AGO3: variants seen among roughly 807,000 people sequenced by gnomAD.
The protein encoded by AGO3 is argonaute RISC catalytic component 3.
Under a neutral mutation model 105.5 loss-of-function variants are expected in AGO3, and 16 were observed. The ratio of observed to expected loss-of-function variants is 0.15; its 90% CI spans 0.10 to 0.23. The LOEUF (loss-of-function observed/expected upper bound fraction) is 0.23. Among genes scored for constraint, AGO3 ranks in the 10% least tolerant of loss-of-function variants. The pLI is 1.00. For missense variants in AGO3, 534 were observed against 1,088.0 expected (o/e 0.49, Z 7.16); for synonymous variants, 340 against 367.3 (o/e 0.93, Z 0.85).
intron 2 of AGO3, among the ~76,000 whole-genome samples, chr1:35,955,534 G>C (rs1033218726): frequency 2.0e-5 from 3 of 151,366 alleles, no homozygotes; most frequent in Admixed American, 2.0e-4. Context: ...TCACACACTT[G>C]AACTACAGAA....
intron 1 of AGO3, among the ~76,000 whole-genome samples, chr1:35,940,543 C>T (rs905638972): frequency 1.3e-5 from 2 of 152,028 alleles, no homozygotes; most frequent in Non-Finnish European, 2.9e-5. Context: ...TCCATCTTTA[C>T]AATTTAATTT....
intron 17 of AGO3, among the ~76,000 whole-genome samples, chr1:36,050,270 G>A (rs557034226): frequency 6.6e-6 from 1 of 152,158 alleles, no homozygotes; most frequent in African/African-American, 2.4e-5. Flanking sequence ...TGGATCACTT[G>A]AGGTCAGGAG....
At chr1:35,967,177 T>G in intron 3 of AGO3, 102 bp downstream of exon 3, 1 of 1,337,570 alleles carries the variant, frequency 7.5e-7, no homozygotes, top group Non-Finnish European at 9.9e-7. Context: ...ATGTGAATAT[T>G]TATCACTGAT....
chr1:35,981,633 C>G (rs532628586), intron 5 of AGO3, among the ~76,000 whole-genome samples: 16 of 152,216 alleles, frequency 1.1e-4, no homozygotes, highest in Admixed American at 3.9e-4. Flanking sequence ...TCTGTAAGTT[C>G]GAAACTACTT....
intron 5 of AGO3, among the ~76,000 whole-genome samples, chr1:35,975,115 G>T (rs182682715): frequency 4.6e-4 from 70 of 152,154 alleles, no homozygotes; most frequent in African/African-American, 1.7e-3. Context: ...ATTCCTGGCG[G>T]TTAGACTGAT....
intron 16 of AGO3, among the ~76,000 whole-genome samples, chr1:36,041,725 A>G (rs183871735): frequency 1.3e-5 from 2 of 152,318 alleles, no homozygotes; most frequent in African/African-American, 2.4e-5. Context: ...TTTCTTTGCC[A>G]TACATACTCA....
In AGO3 at chr1:36,066,979, G is replaced by A. The variant is rs2148874099; in HGVS notation, c.*11234G>A. 1 of 152,328 alleles carries A rather than the reference G, an allele frequency of 6.6e-6. No individual in the cohort carries two copies. The highest frequency in any genetic ancestry group is 1.5e-5 in the Non-Finnish European group (1 of 68,038). The allele number at this position is 152,328 out of a possible 1,614,324, so 9.4% of individuals were successfully genotyped here. A position where few individuals can be genotyped will look rare whatever the true frequency, so the allele number is the denominator to read the frequency against. ...AAATTTATATGATAATGTTGTCCCA[G>A]ACCCAAAGGCACACCTATTCTCAGT... is the stretch of plus-strand genomic sequence containing the variant. On this transcript the variant is annotated 3_prime_UTR_variant, in exon 19 of 19. Transcript: ENST00000373191.
At position 35,967,052 on chromosome 1, in the gene AGO3, C is replaced by G; in HGVS notation, c.289C>G (p.Pro97Ala). 3 of 1,613,518 alleles carry G rather than the reference C, an allele frequency of 1.9e-6. No individual in the cohort carries two copies. Among genetic ancestry groups the G allele is most frequent in the Non-Finnish European group, 2.5e-6 (3 of 1,179,786 alleles). Reference protein sequence around the residue: ...DGKRSLYTANPLPVATTGVDL... With the variant: ...DGKRSLYTANALPVATTGVDL... ...AAAAAGAAGTCTTTACACCGCCAAT[C>G]CACTTCCTGTGGCAACTACAGGGGT... is the stretch of plus-strand genomic sequence containing the variant. The change falls in exon 3 of 19, where the codon CCA becomes GCA. Residue 97 changes from proline (P) to alanine (A), a missense_variant. Coordinates refer to ENST00000373191, the MANE Select transcript of AGO3 (RefSeq NM_024852.4).
chr1:36,035,407 A>G (rs1402168334), intron 13 of AGO3, among the ~76,000 whole-genome samples: 2 of 152,108 alleles, frequency 1.3e-5, no homozygotes, highest in Non-Finnish European at 2.9e-5. Context: ...TCTCAAAAAA[A>G]CAATAATAAC....
chr1:36,071,170 C>T lies in AGO3; in HGVS notation c.*15425C>T, dbSNP rs1019675711. On this transcript the variant is annotated 3_prime_UTR_variant, in exon 19 of 19. Coordinates refer to ENST00000373191, the MANE Select transcript of AGO3 (RefSeq NM_024852.4). ...CACCCCTAAAGCGTAGCTAACTGCT[C>T]CCACTAGATAATTGCTGCTAAAAAC... 1 of 152,022 alleles carries T rather than the reference C, an allele frequency of 6.6e-6. No individual in the cohort carries two copies. Among genetic ancestry groups the T allele is most frequent in the African/African-American group, 2.4e-5 (1 of 41,372 alleles). 9.4% of individuals were successfully genotyped at this position (152,022 alleles called of 1,614,324 possible).
Position 36,001,245 on chromosome 1 carries a change from GAATA to G in AGO3, c.659-3085_659-3082del, listed in dbSNP as rs565512238. Among the ~76,000 whole-genome samples the G allele has an allele frequency of 1.8e-3, 266 of 150,816 alleles. 1 individual carries two copies. The highest frequency in any genetic ancestry group is 6.0e-3 in the African/African-American group (245 of 41,058). ...GGGAGACTCTGTCTCAAAAATAAAT[GAATA>G]AATAAATAAAAATAAAAAATAAGTA... On this transcript the variant is annotated intron_variant, in intron 5 of 18. Transcript: ENST00000373191.
Position 36,025,898 on chromosome 1 carries a change from C to T in AGO3, c.1407-1216C>T, listed in dbSNP as rs370275198. 1.1e-4 allele frequency among the ~76,000 whole-genome samples: 16 copies of T among 152,002 alleles called. No individual in the cohort carries two copies. The East Asian group carries it at 1.5e-3, about 15-fold the overall frequency. Reference sequence around the variant, plus strand: ...ACTAAAAATACAAAAATTAGCCAGGCGCGGTGGCACATGCCTATAATCCCA... The same window carrying T: ...ACTAAAAATACAAAAATTAGCCAGGTGCGGTGGCACATGCCTATAATCCCA... On this transcript the variant is annotated intron_variant, in intron 11 of 18. Coordinates refer to ENST00000373191, the MANE Select transcript of AGO3 (RefSeq NM_024852.4).
chr1:36,052,069 A>T (rs780988801), intron 17 of AGO3, among the ~76,000 whole-genome samples: 13 of 152,328 alleles, frequency 8.5e-5, no homozygotes, highest in Non-Finnish European at 1.3e-4. Flanking sequence ...TACTGAGTAT[A>T]TATGCAAAGG....
chr1:36,051,733 C>T (rs899622534), intron 17 of AGO3, among the ~76,000 whole-genome samples: 1 of 151,972 alleles, frequency 6.6e-6, no homozygotes, highest in Non-Finnish European at 1.5e-5. Context: ...ATCCAAAGAA[C>T]TCAAACAACT....
At chr1:35,985,536 TGTA>T (rs1245628200) in intron 5 of AGO3, among the ~76,000 whole-genome samples, 1 of 152,232 alleles carries the variant, frequency 6.6e-6, no homozygotes, top group South Asian at 2.1e-4. Context: ...AAATATCTGA[TGTA>T]GTGTTTCAGA....
At chr1:35,945,595 T>C in intron 1 of AGO3, 97 bp from the exon 2 acceptor site, 1 of 1,232,560 alleles carries the variant, frequency 8.1e-7, no homozygotes, top group Non-Finnish European at 1.1e-6. Context: ...TTTTAGCCAT[T>C]ATCAGCTGTA....
rs1192450200 is a variant in AGO3 at position 36,036,050 on chromosome 1, A to G, written c.1752-127A>G. 5.1e-6 allele frequency: 4 copies of G among 784,210 alleles called. No homozygotes were observed. The African/African-American group carries it at 7.2e-5, about 14-fold the overall frequency. The allele number at this position is 784,210 out of a possible 1,614,324, so 48.6% of individuals were successfully genotyped here. A position where few individuals can be genotyped will look rare whatever the true frequency, so the allele number is the denominator to read the frequency against. On this transcript the variant is annotated intron_variant, in intron 13 of 18. Transcript: ENST00000373191. ...TCCGTCTCAAAAAAAAAAAAAAAAAAAAATTTGGATTACATAGGACTTCCT... is the reference window on the plus strand; with the variant it reads ...TCCGTCTCAAAAAAAAAAAAAAAAAGAAATTTGGATTACATAGGACTTCCT...
chr1:36,058,142 T>C lies in AGO3; in HGVS notation c.*2397T>C, dbSNP rs1044929540. ...AAGAATCATATTGGCTAGATGCCCA[T>C]TTTCATTTACTAAAATGAATCAGGA... On this transcript the variant is annotated 3_prime_UTR_variant, in exon 19 of 19. Coordinates refer to ENST00000373191, the MANE Select transcript of AGO3 (RefSeq NM_024852.4). The C allele has an allele frequency of 6.6e-6, 1 of 152,248 alleles. No homozygotes were observed. The highest frequency in any genetic ancestry group is 2.4e-5 in the African/African-American group (1 of 41,470). The allele number at this position is 152,248 out of a possible 1,614,324, so 9.4% of individuals were successfully genotyped here. A position where few individuals can be genotyped will look rare whatever the true frequency, so the allele number is the denominator to read the frequency against.
intron 17 of AGO3, among the ~76,000 whole-genome samples, chr1:36,044,670 G>C (rs192959430): frequency 2.0e-5 from 3 of 152,120 alleles, no homozygotes; most frequent in Non-Finnish European, 4.4e-5. Context: ...TCAAACTCCT[G>C]ACCTCAAGTA....
Sources: allele counts gnomAD v4.1 joint callset (sites outside exome capture counted in the v4.1 genomes callset), GRCh38; gene constraint gnomAD v4.1.1; transcripts MANE v1.5; gene names NCBI Gene and HGNC (gene_info 2026-07-23, HGNC 2026-07-21).